The following RYR3 variants were observed in gnomAD, a reference collection of about 807,000 sequenced individuals.
RYR3 encodes ryanodine receptor 3, also known as brain ryanodine receptor-calcium release channel.
In RYR3, 207 loss-of-function variants were observed where a neutral mutation model predicts 584.3. That is an observed-to-expected ratio of 0.35 (90% CI 0.32 to 0.40). The LOEUF (loss-of-function observed/expected upper bound fraction) is 0.40. Ranked by LOEUF, RYR3 falls within the 10% of genes least tolerant of loss-of-function variation. The pLI, the probability that RYR3 is intolerant of heterozygous loss-of-function variation, is 1.00. For synonymous variants in RYR3, 2,416 were observed against 2,248.5 expected (o/e 1.07, Z -2.11); for missense variants, 5,616 against 6,089.2 (o/e 0.92, Z 2.59).
chr15:33,735,415 T>C (rs1243784297), intron 48 of RYR3, among the ~76,000 whole-genome samples: 1 of 152,242 alleles, frequency 6.6e-6, no homozygotes, highest in African/African-American at 2.4e-5. Flanking sequence ...ATTTCTTCCC[T>C]GGCATTCCAA....
chr15:33,805,971 G>C (rs8042920), intron 69 of RYR3, among the ~76,000 whole-genome samples: 66,550 of 146,628 alleles, frequency 0.45, 15,077 homozygotes, highest in South Asian at 0.55. Flanking sequence ...CTCTGCCTCT[G>C]TCCACCATTT....
chr15:33,791,427 T>C (rs905571719), intron 67 of RYR3, among the ~76,000 whole-genome samples: 7 of 151,790 alleles, frequency 4.6e-5, no homozygotes, highest in Non-Finnish European at 8.8e-5. Context: ...TCTTTTGGGG[T>C]CCTTTTCTGA....
intron 10 of RYR3, among the ~76,000 whole-genome samples, chr15:33,553,600 GCAAGGA>G: frequency 2.4e-4 from 1 of 4,184 alleles, no homozygotes; most frequent in African/African-American, 6.8e-3. Flanking sequence ...AGAATAAGGA[GCAAGGA>G]GCAGGATGTG....
intron 102 of RYR3, among the ~76,000 whole-genome samples, chr15:33,862,471 T>G (rs1243061190): frequency 6.6e-6 from 1 of 152,036 alleles, no homozygotes; most frequent in Non-Finnish European, 1.5e-5. Context: ...CCTCCCAGAG[T>G]GCTGGGATTA....
At chr15:33,634,498 A>G in intron 24 of RYR3, 88 bp from the exon 25 acceptor site, 1 of 1,390,734 alleles carries the variant, frequency 7.2e-7, no homozygotes. Flanking sequence ...CCAGAAAGCC[A>G]GGACTGTTGC....
At chr15:33,820,640 G>T in intron 77 of RYR3, 116 bp from the exon 78 acceptor site, 1 of 825,974 alleles carries the variant, frequency 1.2e-6, no homozygotes, top group East Asian at 2.7e-5. Flanking sequence ...ACAACGCTGA[G>T]GTCCTGAGGT....
chr15:33,640,823 A>G (rs530838246), intron 27 of RYR3, among the ~76,000 whole-genome samples: 2 of 152,212 alleles, frequency 1.3e-5, no homozygotes, highest in Admixed American at 6.5e-5. Flanking sequence ...AGTTGTCAGC[A>G]TAATTATATC....
intron 17 of RYR3, 98 bp from the exon 18 acceptor site, chr15:33,603,025 C>G: frequency 1.6e-6 from 2 of 1,266,542 alleles, no homozygotes; most frequent in Non-Finnish European, 2.3e-6. Context: ...TGCTCTTGTC[C>G]TACGTGTAAA....
intron 2 of RYR3, among the ~76,000 whole-genome samples, chr15:33,483,004 T>G (rs543266916): frequency 1.1e-4 from 16 of 152,188 alleles, no homozygotes; most frequent in Admixed American, 1.0e-3. Flanking sequence ...CTGAATACTT[T>G]CCATTGACCT....
Position 33,646,507 on chromosome 15 carries a change from A to G in RYR3, c.3922A>G (p.Ser1308Gly). 1 of 1,611,342 alleles carries G rather than the reference A, an allele frequency of 6.2e-7. No individual in the cohort carries two copies. The highest frequency in any genetic ancestry group is 8.5e-7 in the Non-Finnish European group (1 of 1,178,084). ...CTTCAGCCACAGCCCCTGTCTGGAC[A>G]GTGAAGCTTTCCAGAAAAGGTGAGG... ...SSFSHSPCLD[S>G]EAFQKRKQMQ... The change falls in exon 29 of 104, where the codon AGT becomes GGT. Residue 1308 changes from serine (S) to glycine (G), a missense_variant. Physicochemically the swap from Ser to Gly is moderately conservative, Grantham distance 56. This residue lies in a region of RYR3 where 753 missense variants were observed against 741.0 expected (regional missense o/e 1.02). Coordinates refer to ENST00000634891, the MANE Select transcript of RYR3 (RefSeq NM_001036.6).
intron 82 of RYR3, 104 bp from the exon 83 acceptor site, chr15:33,826,148 T>G: frequency 9.1e-7 from 1 of 1,100,526 alleles, no homozygotes; most frequent in South Asian, 1.3e-5. Flanking sequence ...AAAGCTATCA[T>G]CTAGGATGGA....
At chr15:33,739,142 C>T (rs779469094) in intron 50 of RYR3, among the ~76,000 whole-genome samples, 68 of 152,220 alleles carry the variant, frequency 4.5e-4, no homozygotes, top group Middle Eastern at 3.2e-3. Flanking sequence ...GACTCTTAGA[C>T]TTTGCTCCAC....
intron 100 of RYR3, among the ~76,000 whole-genome samples, 187 bp downstream of exon 100, chr15:33,859,918 G>C (rs1360174233): frequency 6.6e-6 from 1 of 152,114 alleles, no homozygotes; most frequent in Non-Finnish European, 1.5e-5. Context: ...TACACACCCA[G>C]GCACAGTTAT....
At chr15:33,568,765 C>A (rs11857690) in intron 12 of RYR3, among the ~76,000 whole-genome samples, 26,673 of 152,060 alleles carry the variant, frequency 0.18, 4,054 homozygotes, top group African/African-American at 0.42. Flanking sequence ...ATTTGCAGAG[C>A]CTTACAACCA....
chr15:33,411,613 T>G (rs186760420), intron 1 of RYR3, among the ~76,000 whole-genome samples: 95 of 152,346 alleles, frequency 6.2e-4, no homozygotes, highest in African/African-American at 2.3e-3. Context: ...TTTACTAATT[T>G]GACAAAGCTG....
rs1297229988 is a variant in RYR3, at chr15:33,865,495, TTC to T, written c.*271_*272del. 1.5e-5 allele frequency: 6 copies of T among 399,910 alleles called. No homozygotes were observed. In the South Asian group the frequency reaches 1.5e-4, roughly 10 times the overall value. 24.8% of individuals were successfully genotyped at this position (399,910 alleles called of 1,614,324 possible). ...AGGCAAATGCCTTCAAGTTTTCCAGTTCTGAGGTAACTAGTTCAGTTTGTTGG... is the reference window on the plus strand; with the variant it reads ...AGGCAAATGCCTTCAAGTTTTCCAGTTGAGGTAACTAGTTCAGTTTGTTGG... On this transcript the variant is annotated 3_prime_UTR_variant, in exon 104 of 104. Coordinates refer to ENST00000634891, the MANE Select transcript of RYR3 (RefSeq NM_001036.6).
At chr15:33,565,299 A>G (rs2057652007) in intron 11 of RYR3, among the ~76,000 whole-genome samples, 2 of 152,236 alleles carry the variant, frequency 1.3e-5, no homozygotes, top group African/African-American at 4.8e-5. Flanking sequence ...CCCAAATGCA[A>G]CATTGCTAAC....
At chr15:33,620,379 C>T (rs2060666451) in intron 19 of RYR3, among the ~76,000 whole-genome samples, 1 of 152,268 alleles carries the variant, frequency 6.6e-6, no homozygotes, top group African/African-American at 2.4e-5. Flanking sequence ...GGAATTCTTT[C>T]CTTTATCCGT....
intron 9 of RYR3, 84 bp from the exon 10 acceptor site, chr15:33,550,076 G>C (rs868718077): frequency 2.9e-6 from 4 of 1,378,994 alleles, no homozygotes; most frequent in Non-Finnish European, 3.9e-6. Flanking sequence ...AAGTCTGCTA[G>C]CATGTGTAAG....
Sources: gnomAD v4.1 joint callset for allele counts (sites outside exome capture counted in the v4.1 genomes callset) on GRCh38, gnomAD v4.1.1 for gene constraint, gnomAD v4.1.1 regional missense constraint, MANE v1.5 for transcripts, NCBI Gene and HGNC (gene_info 2026-07-23, HGNC 2026-07-21) for gene names.